Variants in FCHSD2 observed in about 807,000 individuals in gnomAD.
The protein encoded by FCHSD2 is FCH and double SH3 domains 2.
FCHSD2 carries 38 observed loss-of-function variants against 108.1 expected under a neutral mutation model. The ratio of observed to expected loss-of-function variants is 0.35; its 90% CI spans 0.27 to 0.46. The LOEUF is 0.46. Ranked by LOEUF, FCHSD2 falls within the 20% of genes least tolerant of loss-of-function variation. The pLI is 1.00. For synonymous variants in FCHSD2, 279 were observed against 314.7 expected (o/e 0.89, Z 1.20); for missense variants, 751 against 897.8 (o/e 0.84, Z 2.09).
intron 12 of FCHSD2, among the ~76,000 whole-genome samples, chr11:72,883,519 G>C (rs565202395): frequency 6.6e-6 from 1 of 152,024 alleles, no homozygotes; most frequent in East Asian, 1.9e-4. Context: ...ATATATGAAG[G>C]GCTAAAAACT....
chr11:73,000,858 A>G, intron 5 of FCHSD2, 132 bp downstream of exon 5: 1 of 720,716 alleles, frequency 1.4e-6, no homozygotes, highest in Non-Finnish European at 2.2e-6. Context: ...GAAATCAGAA[A>G]ATCCTAGTAA....
chr11:72,917,707 G>T (rs964245683), intron 9 of FCHSD2, among the ~76,000 whole-genome samples: 1 of 152,126 alleles, frequency 6.6e-6, no homozygotes, highest in African/African-American at 2.4e-5. Context: ...CTAACATGAC[G>T]AAACCCCGTC....
chr11:73,069,738 T>C (rs573225008), intron 3 of FCHSD2, among the ~76,000 whole-genome samples: 8 of 152,216 alleles, frequency 5.3e-5, no homozygotes, highest in Non-Finnish European at 1.5e-5. Context: ...AAGCAATATT[T>C]ACAGAAATGA....
chr11:72,914,865 A>C (rs1478140017), intron 9 of FCHSD2, among the ~76,000 whole-genome samples: 1 of 152,190 alleles, frequency 6.6e-6, no homozygotes, highest in Non-Finnish European at 1.5e-5. Context: ...AATTGCAACA[A>C]AAGCAAAAAT....
At chr11:73,115,587 AAG>A (rs778506031) in intron 2 of FCHSD2, among the ~76,000 whole-genome samples, 1 of 152,188 alleles carries the variant, frequency 6.6e-6, no homozygotes, top group Non-Finnish European at 1.5e-5. Flanking sequence ...GTGAATAGGG[AAG>A]AGAGAAAACA....
intron 8 of FCHSD2, among the ~76,000 whole-genome samples, chr11:72,977,357 T>A (rs984562112): frequency 6.6e-6 from 1 of 152,144 alleles, no homozygotes; most frequent in South Asian, 2.1e-4. Flanking sequence ...GTTAAAAAAC[T>A]TCTGCACAGC....
rs188460456 is a variant in FCHSD2 at position 72,921,484 on chromosome 11, T to C, written c.828+344A>G. 4.6e-5 allele frequency among the ~76,000 whole-genome samples: 7 copies of C among 152,342 alleles called. No homozygotes were observed. The East Asian group carries it at 1.3e-3, about 29-fold the overall frequency. On this transcript the variant is annotated intron_variant, in intron 9 of 19. Transcript: ENST00000409418. ...CGTGCTCTTTTAGTACTCTTTGTAC[T>C]GACACATGACCTGTTGTTTCCCCCA...
At chr11:73,032,109 C>T (rs186953128) in intron 3 of FCHSD2, among the ~76,000 whole-genome samples, 422 of 152,058 alleles carry the variant, frequency 2.8e-3, no homozygotes, top group Non-Finnish European at 2.9e-3. Context: ...ATGAATAGCA[C>T]GGTCCTATTT....
At chr11:72,894,117 A>G (rs1441497542) in intron 10 of FCHSD2, among the ~76,000 whole-genome samples, 2 of 152,252 alleles carry the variant, frequency 1.3e-5, no homozygotes. Flanking sequence ...AATCACTAAC[A>G]GTAAAATACT....
chr11:72,883,021 T>C (rs1044894912), intron 12 of FCHSD2, among the ~76,000 whole-genome samples: 5 of 152,198 alleles, frequency 3.3e-5, no homozygotes, highest in Non-Finnish European at 7.4e-5. Context: ...ATATGATTAG[T>C]TGTTTTCAAT....
At chr11:73,128,828 C>T (rs2135568737) in intron 2 of FCHSD2, among the ~76,000 whole-genome samples, 1 of 152,264 alleles carries the variant, frequency 6.6e-6, no homozygotes, top group East Asian at 1.9e-4. Context: ...CGTTTCAACC[C>T]ACAGGTTACT....
intron 3 of FCHSD2, among the ~76,000 whole-genome samples, chr11:73,062,647 C>T (rs1222885670): frequency 2.0e-5 from 3 of 151,878 alleles, no homozygotes; most frequent in African/African-American, 4.8e-5. Flanking sequence ...AAGCATACAC[C>T]GTTTCAATAG....
chr11:73,069,074 G>A (rs1859369708), intron 3 of FCHSD2, among the ~76,000 whole-genome samples: 1 of 151,132 alleles, frequency 6.6e-6, no homozygotes, highest in Non-Finnish European at 1.5e-5. Context: ...ACTTTAGGAA[G>A]CCAAGGTGGG....
chr11:72,924,204 T>C (rs934472325), intron 8 of FCHSD2, among the ~76,000 whole-genome samples: 1 of 152,174 alleles, frequency 6.6e-6, no homozygotes, highest in Non-Finnish European at 1.5e-5. Flanking sequence ...GCCTCCTAAA[T>C]AGCTGGGACC....
chr11:72,883,260 C>A (rs909735611), intron 12 of FCHSD2, among the ~76,000 whole-genome samples: 2 of 152,144 alleles, frequency 1.3e-5, no homozygotes, highest in Non-Finnish European at 2.9e-5. Context: ...CATATCACAA[C>A]CTTGATCAGG....
At chr11:73,036,900 C>T (rs542707943) in intron 3 of FCHSD2, among the ~76,000 whole-genome samples, 14 of 152,188 alleles carry the variant, frequency 9.2e-5, no homozygotes, top group Admixed American at 7.9e-4. Flanking sequence ...AGTTAGTGTT[C>T]CCTACCATCA....
intron 2 of FCHSD2, among the ~76,000 whole-genome samples, chr11:73,125,346 A>C (rs111962346): frequency 0.022 from 3,380 of 152,330 alleles, 128 homozygotes; most frequent in African/African-American, 0.075. Flanking sequence ...CTGTAATTAG[A>C]CCATTGTAAG....
intron 8 of FCHSD2, among the ~76,000 whole-genome samples, chr11:72,931,014 T>C (rs75028414): frequency 0.022 from 3,281 of 151,884 alleles, 79 homozygotes; most frequent in African/African-American, 0.058. Flanking sequence ...TTATTTCACA[T>C]TGCATGCCTG....
At chr11:73,073,491 G>C (rs893798167) in intron 3 of FCHSD2, among the ~76,000 whole-genome samples, 2 of 152,128 alleles carry the variant, frequency 1.3e-5, no homozygotes, top group East Asian at 3.8e-4. Context: ...GGTAATACAA[G>C]TTTACTTTGC....
Sources: allele counts gnomAD v4.1 joint callset (sites outside exome capture counted in the v4.1 genomes callset), GRCh38; gene constraint gnomAD v4.1.1; transcripts MANE v1.5; gene names NCBI Gene and HGNC (gene_info 2026-07-23, HGNC 2026-07-21).